The following PAPSS1 variants were observed in gnomAD, a reference collection of about 807,000 sequenced individuals.
PAPSS1 encodes the protein 3'-phosphoadenosine 5'-phosphosulfate synthase 1.
PAPSS1 carries 50 observed loss-of-function variants against 72.0 expected under a neutral mutation model. That is an observed-to-expected ratio of 0.69 (90% CI 0.55 to 0.88). The LOEUF is 0.88. PAPSS1 is among the 40% of genes least tolerant of loss of function. The pLI is 0.00. For missense variants in PAPSS1, 657 were observed against 782.2 expected, an observed-to-expected ratio of 0.84 and a Z score of 1.91; for synonymous variants, 261 against 263.6, an observed-to-expected ratio of 0.99 and a Z score of 0.09.
intron 1 of PAPSS1, chr4:107,719,909 C>G: frequency 1.5e-6 from 2 of 1,361,178 alleles, no homozygotes; most frequent in Non-Finnish European, 1.9e-6. Context: ...GCACGCTGCG[C>G]CAAGCTAGGG....
At chr4:107,689,343 C>T (rs549652363) in intron 3 of PAPSS1, among the ~76,000 whole-genome samples, 4 of 152,216 alleles carry the variant, frequency 2.6e-5, no homozygotes, top group African/African-American at 7.2e-5. Context: ...GGCCTCCCCA[C>T]GCCACAACCC....
chr4:107,675,090 T>C (rs934497202), intron 5 of PAPSS1, among the ~76,000 whole-genome samples: 2 of 151,950 alleles, frequency 1.3e-5, no homozygotes, highest in African/African-American at 2.4e-5. Context: ...AGGAAAGATC[T>C]AAAATGGACA....
intron 3 of PAPSS1, among the ~76,000 whole-genome samples, chr4:107,693,276 C>T (rs1239247179): frequency 6.6e-6 from 1 of 152,024 alleles, no homozygotes; most frequent in Admixed American, 6.6e-5. Context: ...AACAAAAATC[C>T]TGAGATAAGA....
Position 107,715,260 on chromosome 4 carries a change from C to G in PAPSS1, c.60+4860G>C, listed in dbSNP as rs1723603626. 1.3e-5 allele frequency among the ~76,000 whole-genome samples: 2 copies of G among 152,232 alleles called. 1 individual carries two copies. The highest frequency in any genetic ancestry group is 4.1e-4 in the South Asian group (2 of 4,832). On this transcript the variant is annotated intron_variant, in intron 1 of 11. Transcript: ENST00000265174. Reference sequence around the variant, plus strand: ...GGATCGTGAACCGGACAACACAGATCTAGACCTCACTATCATTCGTCTTAT... The same window carrying G: ...GGATCGTGAACCGGACAACACAGATGTAGACCTCACTATCATTCGTCTTAT...
chr4:107,713,284 C>G (rs996281009), intron 1 of PAPSS1, among the ~76,000 whole-genome samples: 7 of 152,040 alleles, frequency 4.6e-5, no homozygotes, highest in Admixed American at 2.6e-4. Context: ...ATAGCATAAC[C>G]CATAGAGACA....
rs1323101503 is a variant in PAPSS1 at position 107,613,984 on chromosome 4, AAATAT to A, written c.*260_*264del. 7 of 260,248 alleles carry A rather than the reference AAATAT, an allele frequency of 2.7e-5. No homozygotes were observed. Among genetic ancestry groups the A allele is most frequent in the Non-Finnish European group, 5.0e-5 (7 of 140,298 alleles). 16.1% of individuals were successfully genotyped at this position (260,248 alleles called of 1,614,324 possible). A position where few individuals can be genotyped will look rare whatever the true frequency, so the allele number is the denominator to read the frequency against. On this transcript the variant is annotated 3_prime_UTR_variant, in exon 12 of 12. Transcript: ENST00000265174. ...TGAAAAAATCATGACACAGAAGCAT[AAATAT>A]AATATAAAAAGACAATTTTAAAATT...
At chr4:107,690,658 T>C (rs878973585) in intron 3 of PAPSS1, among the ~76,000 whole-genome samples, 3 of 152,176 alleles carry the variant, frequency 2.0e-5, no homozygotes, top group Admixed American at 2.0e-4. Flanking sequence ...ACAAATATAA[T>C]CATGACTATA....
At chr4:107,662,971 C>T (rs1347825247) in intron 5 of PAPSS1, among the ~76,000 whole-genome samples, 2 of 152,106 alleles carry the variant, frequency 1.3e-5, no homozygotes, top group Non-Finnish European at 2.9e-5. Flanking sequence ...TTAGCTTCTT[C>T]GATATGTAAA....
At chr4:107,673,487 G>A (rs2110331207) in intron 5 of PAPSS1, among the ~76,000 whole-genome samples, 1 of 152,270 alleles carries the variant, frequency 6.6e-6, no homozygotes, top group South Asian at 2.1e-4. Context: ...TGAATGAAAT[G>A]AAGCGAGAAG....
At chr4:107,639,289 T>C (rs1196899360) in intron 10 of PAPSS1, among the ~76,000 whole-genome samples, 1 of 152,168 alleles carries the variant, frequency 6.6e-6, no homozygotes, top group Non-Finnish European at 1.5e-5. Flanking sequence ...TAAAACAGAC[T>C]ACAGGGATCC....
At chr4:107,641,668 T>C (rs1480642096) in intron 10 of PAPSS1, among the ~76,000 whole-genome samples, 1 of 152,140 alleles carries the variant, frequency 6.6e-6, no homozygotes, top group Non-Finnish European at 1.5e-5. Context: ...ACTCATAAAA[T>C]AGGTACTTTC....
At chr4:107,665,895 T>C (rs900551391) in intron 5 of PAPSS1, among the ~76,000 whole-genome samples, 2 of 152,188 alleles carry the variant, frequency 1.3e-5, no homozygotes, top group African/African-American at 4.8e-5. Context: ...TCGCCTCTCA[T>C]TTTAATCTTC....
rs759504281 is a variant in PAPSS1 at position 107,687,156 on chromosome 4, T to G, written c.433A>C (p.Ile145Leu). Residue 145 changes from isoleucine (I) to leucine (L), a missense_variant, in exon 4 of 12, where the codon ATT (isoleucine) becomes CTT (leucine). By Grantham distance (5) the Ile-to-Leu change is conservative. Around this residue, in one of 7 missense-constraint regions of PAPSS1, gnomAD observed 119 missense variants for 171.1 expected, o/e 0.70. Transcript: ENST00000265174. ...YTQDRNNARQ[I>L]HEGASLPFFE... is the part of the protein sequence containing the mutation. Reference sequence around the variant, plus strand: ...AACGGTAAACTTGCACCTTCATGAATTTGCCTTGCATTGTTGCGATCCTTA... The same window carrying G: ...AACGGTAAACTTGCACCTTCATGAAGTTGCCTTGCATTGTTGCGATCCTTA... The G allele has an allele frequency of 1.3e-6, 2 of 1,587,756 alleles. No homozygotes were observed. Among genetic ancestry groups the G allele is most frequent in the Non-Finnish European group, 1.7e-6 (2 of 1,171,944 alleles).
At chr4:107,702,727 CT>C (rs1477541511) in intron 1 of PAPSS1, among the ~76,000 whole-genome samples, 1 of 152,082 alleles carries the variant, frequency 6.6e-6, no homozygotes, top group Non-Finnish European at 1.5e-5. Context: ...AAATATACTA[CT>C]TTTTTTTAAT....
chr4:107,717,233 T>C (rs949349397), intron 1 of PAPSS1, among the ~76,000 whole-genome samples: 3 of 152,208 alleles, frequency 2.0e-5, no homozygotes, highest in African/African-American at 7.2e-5. Flanking sequence ...CTTTTTACTT[T>C]TTAATGTGGT....
At chr4:107,636,009 G>C (rs1726369888) in intron 10 of PAPSS1, among the ~76,000 whole-genome samples, 1 of 152,148 alleles carries the variant, frequency 6.6e-6, no homozygotes. Context: ...AGGCATGTGA[G>C]TGCACAGTGA....
At chr4:107,700,465 GAAATTCACTTTGTGA>G (rs1475534781) in intron 2 of PAPSS1, among the ~76,000 whole-genome samples, 1 of 152,172 alleles carries the variant, frequency 6.6e-6, no homozygotes, top group Non-Finnish European at 1.5e-5. Context: ...CTGAATAATA[GAAATTCACTTTGTGA>G]AAATTCTTGC....
intron 2 of PAPSS1, among the ~76,000 whole-genome samples, chr4:107,697,508 A>G (rs975395911): frequency 4.6e-5 from 7 of 152,232 alleles, no homozygotes; most frequent in Non-Finnish European, 1.0e-4. Context: ...CTTTTACACA[A>G]CAAAAACAAC....
chr4:107,718,265 T>C (rs1234468998), intron 1 of PAPSS1: 1 of 152,008 alleles, frequency 6.6e-6, no homozygotes, highest in Non-Finnish European at 1.5e-5. Flanking sequence ...CCATCAAAAA[T>C]CCCCCATAGA....
Sources: allele counts gnomAD v4.1 joint callset (sites outside exome capture counted in the v4.1 genomes callset), GRCh38; gene constraint gnomAD v4.1.1; regional missense constraint gnomAD v4.1.1; transcripts MANE v1.5; gene names NCBI Gene and HGNC (gene_info 2026-07-23, HGNC 2026-07-21).